Variants in GPC5 observed in about 807,000 individuals in gnomAD.
GPC5 encodes glypican 5, also known as glypican-5.
GPC5 carries 47 observed loss-of-function variants against 53.9 expected under a neutral mutation model. The observed-to-expected ratio is 0.87, with a 90% CI of 0.69 to 1.11. The LOEUF (loss-of-function observed/expected upper bound fraction) is 1.11. Among genes scored for constraint, GPC5 ranks in the 50% most tolerant of loss-of-function variants. The probability of loss-of-function intolerance (pLI) is 0.00; values close to 1 mark genes in which losing one functional copy is unlikely to be tolerated. For missense variants in GPC5, 748 were observed against 713.1 expected (o/e 1.05, Z -0.56); for synonymous variants, 286 against 263.3 (o/e 1.09, Z -0.84).
At chr13:91,450,670 C>T (rs1426509127) in intron 2 of GPC5, among the ~76,000 whole-genome samples, 1 of 151,910 alleles carries the variant, frequency 6.6e-6, no homozygotes, top group Non-Finnish European at 1.5e-5. Flanking sequence ...TTTATGTAAA[C>T]CTTTGTTTTC....
Position 91,399,087 on chromosome 13 carries a change from T to C in GPC5, c.41T>C (p.Leu14Pro), listed in dbSNP as rs1476892979. Residue 14 changes from leucine (L) to proline (P), a missense_variant, in exon 1 of 8, where the codon CTC becomes CCC. Leu to Pro is a moderately conservative substitution (Grantham distance 98). Transcript: ENST00000377067. The part of the protein sequence containing the change: ...QTWPVGFRCL[L>P]LLALVGSARS... ...TGGCCCGTGGGCTTTCGCTGCCTCCTCCTTCTGGCCCTGGTTGGGTCCGCC... is the reference window on the plus strand; with the variant it reads ...TGGCCCGTGGGCTTTCGCTGCCTCCCCCTTCTGGCCCTGGTTGGGTCCGCC... 3 of 1,591,514 alleles carry C rather than the reference T, an allele frequency of 1.9e-6. No homozygotes were observed. Among genetic ancestry groups the C allele is most frequent in the Non-Finnish European group, 2.6e-6 (3 of 1,169,418 alleles).
intron 5 of GPC5, among the ~76,000 whole-genome samples, chr13:91,792,978 G>C (rs1246886751): frequency 1.3e-5 from 2 of 152,026 alleles, no homozygotes; most frequent in Admixed American, 1.3e-4. Context: ...ATCTTTTCGA[G>C]GCCATTCATG....
In GPC5 at chr13:91,789,867, G is replaced by A. The variant is rs1028444865; in HGVS notation, c.1280+33447G>A. ...TCTGGTAGCTTCTGGTAAGGGCTTC[G>A]TGCTCAGTCAAACAAAACACAGCGG... is the stretch of plus-strand genomic sequence containing the variant. On this transcript the variant is annotated intron_variant, in intron 5 of 7. Coordinates refer to ENST00000377067, the MANE Select transcript of GPC5 (RefSeq NM_004466.6). 3.3e-5 allele frequency among the ~76,000 whole-genome samples: 5 copies of A among 152,106 alleles called. No homozygotes were observed. The East Asian group carries it at 5.8e-4, about 18-fold the overall frequency.
chr13:92,653,629 A>G (rs1430653532), intron 7 of GPC5, among the ~76,000 whole-genome samples: 4 of 152,246 alleles, frequency 2.6e-5, no homozygotes, highest in Non-Finnish European at 5.9e-5. Context: ...ACAAGTTACA[A>G]GAAAGCTAGA....
intron 2 of GPC5, among the ~76,000 whole-genome samples, chr13:91,659,274 A>G (rs888586668): frequency 1.3e-5 from 2 of 152,216 alleles, no homozygotes; most frequent in African/African-American, 4.8e-5. Flanking sequence ...GTGCAAGCCA[A>G]TAGGGAGCTT....
chr13:92,634,570 T>G (rs1031974807), intron 7 of GPC5, among the ~76,000 whole-genome samples: 19 of 152,146 alleles, frequency 1.2e-4, no homozygotes, highest in African/African-American at 4.3e-4. Flanking sequence ...TCTCCAAAAC[T>G]TATTCATCCT....
intron 7 of GPC5, among the ~76,000 whole-genome samples, chr13:92,430,447 C>T (rs1336017899): frequency 1.3e-5 from 2 of 152,090 alleles, no homozygotes; most frequent in East Asian, 3.9e-4. Flanking sequence ...GAGTCAATCT[C>T]AATGAAGTTA....
At chr13:91,764,242 T>A (rs2037476467) in intron 5 of GPC5, among the ~76,000 whole-genome samples, 3 of 152,170 alleles carry the variant, frequency 2.0e-5, no homozygotes, top group Non-Finnish European at 4.4e-5. Context: ...CATTCTCAGG[T>A]CAATATACAC....
chr13:92,650,984 G>C (rs1594383126), intron 7 of GPC5, among the ~76,000 whole-genome samples: 1 of 151,934 alleles, frequency 6.6e-6, no homozygotes, highest in South Asian at 2.1e-4. Context: ...TCCCACTTAT[G>C]AGTGAGAACA....
intron 7 of GPC5, among the ~76,000 whole-genome samples, chr13:92,798,445 G>A (rs1222832541): frequency 6.6e-6 from 1 of 151,772 alleles, no homozygotes; most frequent in South Asian, 2.1e-4. Context: ...TTTCCTTGCT[G>A]GAAAATTAGA....
At chr13:92,431,617 CAA>C (rs1877090064) in intron 7 of GPC5, among the ~76,000 whole-genome samples, 1 of 151,966 alleles carries the variant, frequency 6.6e-6, no homozygotes, top group South Asian at 2.1e-4. Context: ...ATTGTCTGAG[CAA>C]AGACTACAGA....
intron 7 of GPC5, among the ~76,000 whole-genome samples, chr13:92,205,013 G>A (rs1309870873): frequency 6.6e-6 from 1 of 151,970 alleles, no homozygotes; most frequent in East Asian, 1.9e-4. Context: ...CCAGTAGCTG[G>A]GACTACAGGT....
rs549250511 is a variant in GPC5 at position 91,436,942 on chromosome 13, T to A, written c.164-11819T>A. 1.2e-4 allele frequency among the ~76,000 whole-genome samples: 18 copies of A among 152,338 alleles called. No individual in the cohort carries two copies. In the South Asian group the frequency reaches 2.1e-3, roughly 18 times the overall value. ...AATTGATCCCTTTACCATTATGTAA[T>A]GGCCTTCTTTGTCTCTTTTGATGTT... On this transcript the variant is annotated intron_variant, in intron 1 of 7. Transcript: ENST00000377067.
chr13:91,668,040 C>G (rs1297491112), intron 2 of GPC5, among the ~76,000 whole-genome samples: 2 of 152,158 alleles, frequency 1.3e-5, no homozygotes, highest in African/African-American at 4.8e-5. Flanking sequence ...GCTATAATGG[C>G]TGCCACATAT....
chr13:91,823,035 T>C (rs1014235505), intron 5 of GPC5, among the ~76,000 whole-genome samples: 9 of 152,086 alleles, frequency 5.9e-5, no homozygotes, highest in Non-Finnish European at 1.3e-4. Context: ...GGTTCTGACA[T>C]CTACTAAACC....
At chr13:92,609,342 C>A (rs1884360676) in intron 7 of GPC5, among the ~76,000 whole-genome samples, 1 of 152,012 alleles carries the variant, frequency 6.6e-6, no homozygotes, top group South Asian at 2.1e-4. Flanking sequence ...CACTTATTAC[C>A]TTAGATAAGT....
intron 5 of GPC5, among the ~76,000 whole-genome samples, chr13:91,774,238 G>A (rs1445397): frequency 0.36 from 54,287 of 151,996 alleles, 11,339 homozygotes; most frequent in East Asian, 0.65. Flanking sequence ...TCTCTTGCCC[G>A]TCATGAAGCA....
rs67467167 is a variant in GPC5 at position 92,069,408 on chromosome 13, A to ATGTG, written c.1402-75386_1402-75383dup. Among the ~76,000 whole-genome samples the ATGTG allele has an allele frequency of 5.8e-3, 827 of 143,196 alleles. 7 individuals carry two copies. The highest frequency in any genetic ancestry group is 0.012 in the East Asian group (56 of 4,628). The allele number at this position is 143,196 out of a possible 152,430, so 93.9% of individuals were successfully genotyped here. A position where few individuals can be genotyped will look rare whatever the true frequency, so the allele number is the denominator to read the frequency against. The stretch of plus-strand genomic sequence containing the variant: ...CTTTATTATCATAATGTGTGCGTGC[A>ATGTG]TGTGTGTGTGTGTGTGTGTGTGTGT... On this transcript the variant is annotated intron_variant, in intron 6 of 7. Coordinates refer to ENST00000377067, the MANE Select transcript of GPC5 (RefSeq NM_004466.6).
chr13:91,450,547 A>G (rs965635725), intron 2 of GPC5, among the ~76,000 whole-genome samples: 1 of 152,158 alleles, frequency 6.6e-6, no homozygotes, highest in Non-Finnish European at 1.5e-5. Flanking sequence ...GACTTTTAAG[A>G]TGGATTGAGG....
Sources: gnomAD v4.1 joint callset for allele counts (sites outside exome capture counted in the v4.1 genomes callset) on GRCh38, gnomAD v4.1.1 for gene constraint, MANE v1.5 for transcripts, NCBI Gene and HGNC (gene_info 2026-07-23, HGNC 2026-07-21) for gene names.